The following KAZN variants were observed in gnomAD, a reference collection of about 807,000 sequenced individuals.
KAZN encodes the protein kazrin.
Under a neutral mutation model 87.4 loss-of-function variants are expected in KAZN, and 40 were observed. The ratio of observed to expected loss-of-function variants is 0.46; its 90% CI spans 0.36 to 0.60. The LOEUF (loss-of-function observed/expected upper bound fraction) is 0.60, where lower values mean the gene tolerates loss of function less well. KAZN is among the 20% of genes least tolerant of loss of function. KAZN has a pLI of 0.00. For missense variants in KAZN, 898 were observed against 1,073.9 expected, an observed-to-expected ratio of 0.84 and a Z score of 2.29; for synonymous variants, 466 against 458.3, an observed-to-expected ratio of 1.02 and a Z score of -0.22.
chr1:15,007,077 AG>A (rs1557709688), intron 2 of KAZN, among the ~76,000 whole-genome samples: 10,173 of 142,586 alleles, frequency 0.071, 479 homozygotes, highest in South Asian at 0.12. Flanking sequence ...AAAAAAAAAA[AG>A]AAAAACAGAA....
chr1:14,161,108 G>A (rs1645700336), intron 1 of KAZN, among the ~76,000 whole-genome samples: 9 of 152,226 alleles, frequency 5.9e-5, no homozygotes, highest in Admixed American at 2.6e-4. Context: ...TAAGAATAGA[G>A]TTGCATAGAA....
intron 2 of KAZN, among the ~76,000 whole-genome samples, chr1:14,183,458 G>T (rs1402391822): frequency 1.3e-5 from 2 of 152,090 alleles, no homozygotes; most frequent in African/African-American, 4.8e-5. Context: ...TTTTTAGTTT[G>T]CAGGCCCCCA....
chr1:15,114,700 C>T lies in KAZN; in HGVS notation c.*65C>T, dbSNP rs1370395473. 4.0e-6 allele frequency: 6 copies of T among 1,498,826 alleles called. No homozygotes were observed. The highest frequency in any genetic ancestry group is 5.4e-6 in the Non-Finnish European group (6 of 1,109,580). 92.8% of individuals were successfully genotyped at this position (1,498,826 alleles called of 1,614,324 possible). A position where few individuals can be genotyped will look rare whatever the true frequency, so the allele number is the denominator to read the frequency against. Reference sequence around the variant, plus strand: ...GGAAGGAAGAGAAGCCAGATGGCCCCAGGTGTCGTTCTCACTGTACATAGC... The same window carrying T: ...GGAAGGAAGAGAAGCCAGATGGCCCTAGGTGTCGTTCTCACTGTACATAGC... On this transcript the variant is annotated 3_prime_UTR_variant, in exon 15 of 15. Transcript: ENST00000376030.
At chr1:14,592,345 AG>A (rs1473981440) in intron 2 of KAZN, among the ~76,000 whole-genome samples, 2 of 152,178 alleles carry the variant, frequency 1.3e-5, no homozygotes, top group African/African-American at 2.4e-5. Flanking sequence ...GAGGCTCAAA[AG>A]GCTCCTGGCA....
At chr1:14,239,455 CTTTTT>C (rs386366265) in intron 2 of KAZN, among the ~76,000 whole-genome samples, 2 of 95,708 alleles carry the variant, frequency 2.1e-5, no homozygotes, top group Non-Finnish European at 4.0e-5. Context: ...AGTTGGGTTT[CTTTTT>C]TTTTTTTTTT....
intron 2 of KAZN, among the ~76,000 whole-genome samples, chr1:14,961,739 A>G (rs1399781963): frequency 6.6e-6 from 1 of 152,200 alleles, no homozygotes; most frequent in Non-Finnish European, 1.5e-5. Context: ...CTTTCCACTT[A>G]CCATTCACTA....
At chr1:14,776,638 A>G (rs77999912) in intron 1 of KAZN, among the ~76,000 whole-genome samples, 2,084 of 152,246 alleles carry the variant, frequency 0.014, 53 homozygotes, top group African/African-American at 0.047. Context: ...TCTACATGGT[A>G]ACTTTTTGGG....
intron 2 of KAZN, among the ~76,000 whole-genome samples, chr1:14,592,365 T>C (rs551621879): frequency 6.6e-6 from 1 of 152,272 alleles, no homozygotes; most frequent in Non-Finnish European, 1.5e-5. Context: ...CATATACATA[T>C]TTCACACGTG....
At chr1:14,253,442 T>C (rs1411898399) in intron 2 of KAZN, among the ~76,000 whole-genome samples, 5 of 152,242 alleles carry the variant, frequency 3.3e-5, no homozygotes, top group Non-Finnish European at 5.9e-5. Context: ...AGTCATTTTA[T>C]CTGAGTTAAT....
At chr1:14,695,472 C>T (rs540153673) in intron 1 of KAZN, among the ~76,000 whole-genome samples, 1 of 146,454 alleles carries the variant, frequency 6.8e-6, no homozygotes, top group Non-Finnish European at 1.5e-5. Flanking sequence ...TCTCAGGTGA[C>T]TTTGGAATGC....
chr1:14,108,653 C>A lies in KAZN; in HGVS notation c.92-71782C>A, dbSNP rs187115568. On this transcript the variant is annotated intron_variant, in intron 1 of 16. Transcript: ENST00000636203. ...CCCAGGGAGCAGAATTGGCCTCTATCTGTGCCTTGTCCTCTTACGTATCCC... is the reference window on the plus strand; with the variant it reads ...CCCAGGGAGCAGAATTGGCCTCTATATGTGCCTTGTCCTCTTACGTATCCC... 1.2e-3 allele frequency among the ~76,000 whole-genome samples: 185 copies of A among 152,294 alleles called. 1 individual carries two copies. Among genetic ancestry groups the A allele is most frequent in the African/African-American group, 3.9e-3 (163 of 41,564 alleles).
intron 1 of KAZN, among the ~76,000 whole-genome samples, chr1:14,712,127 A>G (rs1192665554): frequency 6.6e-6 from 1 of 152,198 alleles, no homozygotes; most frequent in Non-Finnish European, 1.5e-5. Context: ...GGTTTAACCT[A>G]AAAGCTAATA....
intron 1 of KAZN, among the ~76,000 whole-genome samples, chr1:14,029,087 C>T (rs1312143380): frequency 1.4e-5 from 2 of 146,212 alleles, no homozygotes; most frequent in East Asian, 2.0e-4. Flanking sequence ...TACAGTCCCA[C>T]CAACAGTGTA....
intron 1 of KAZN, among the ~76,000 whole-genome samples, chr1:14,127,997 A>C (rs1644911448): frequency 6.6e-6 from 1 of 152,188 alleles, no homozygotes; most frequent in South Asian, 2.1e-4. Flanking sequence ...TCAGAGTCCA[A>C]GTTTACAAGA....
At chr1:13,943,281 C>T (rs1171495061) in intron 1 of KAZN, among the ~76,000 whole-genome samples, 2 of 152,090 alleles carry the variant, frequency 1.3e-5, no homozygotes, top group Admixed American at 6.5e-5. Flanking sequence ...AGCCAGAAGA[C>T]AATGGAATGG....
chr1:14,374,690 G>T (rs1295337401), intron 2 of KAZN, among the ~76,000 whole-genome samples: 1 of 152,126 alleles, frequency 6.6e-6, no homozygotes, highest in Non-Finnish European at 1.5e-5. Context: ...TTAAATGCTG[G>T]AGTCCACTCT....
chr1:14,711,567 G>T (rs74061313), intron 1 of KAZN, among the ~76,000 whole-genome samples: 3 of 152,034 alleles, frequency 2.0e-5, no homozygotes, highest in Non-Finnish European at 4.4e-5. Context: ...CCAAGATTAG[G>T]TTATGAAGGA....
At chr1:14,713,081 G>T (rs961115117) in intron 1 of KAZN, among the ~76,000 whole-genome samples, 1 of 152,132 alleles carries the variant, frequency 6.6e-6, no homozygotes, top group Non-Finnish European at 1.5e-5. Flanking sequence ...CTCTAATCTG[G>T]ACTGAGCCTG....
At chr1:14,966,883 TG>T (rs1233889658) in intron 2 of KAZN, among the ~76,000 whole-genome samples, 11 of 152,180 alleles carry the variant, frequency 7.2e-5, no homozygotes, top group Admixed American at 7.2e-4. Flanking sequence ...TTGGCCAGGC[TG>T]GTCTTGAACC....
Sources: gnomAD v4.1 joint callset for allele counts (sites outside exome capture counted in the v4.1 genomes callset) on GRCh38, gnomAD v4.1.1 for gene constraint, MANE v1.5 for transcripts, NCBI Gene and HGNC (gene_info 2026-07-23, HGNC 2026-07-21) for gene names.